Variants in MRTFA observed in about 807,000 individuals in gnomAD.
MRTFA encodes the protein myocardin related transcription factor A.
In MRTFA, 20 loss-of-function variants were observed where a neutral mutation model predicts 83.5. The ratio of observed to expected loss-of-function variants is 0.24; its 90% CI spans 0.17 to 0.35. The LOEUF is 0.35. Among genes scored for constraint, MRTFA ranks in the 10% least tolerant of loss-of-function variants. MRTFA has a pLI of 1.00. For missense variants in MRTFA, 1,200 were observed against 1,224.7 expected (o/e 0.98, Z 0.30); for synonymous variants, 659 against 541.2 (o/e 1.22, Z -3.02).
intron 4 of MRTFA, among the ~76,000 whole-genome samples, chr22:40,452,833 C>T (rs1044113897): frequency 1.3e-5 from 2 of 150,234 alleles, no homozygotes; most frequent in Non-Finnish European, 3.0e-5. Context: ...AAAATGATGA[C>T]GACTACTTTT....
intron 2 of MRTFA, among the ~76,000 whole-genome samples, chr22:40,565,251 G>A (rs1335603471): frequency 6.6e-6 from 1 of 152,056 alleles, no homozygotes; most frequent in African/African-American, 2.4e-5. Context: ...AACTCATGAA[G>A]ACCTCCTGGG....
intron 3 of MRTFA, among the ~76,000 whole-genome samples, chr22:40,484,053 AG>A (rs1482506682): frequency 1.3e-5 from 2 of 151,998 alleles, no homozygotes; most frequent in African/African-American, 4.8e-5. Flanking sequence ...GGGAATAGAA[AG>A]GTGATTAAAA....
chr22:40,419,715 G>C (rs1411133953), intron 11 of MRTFA, among the ~76,000 whole-genome samples: 2 of 152,214 alleles, frequency 1.3e-5, no homozygotes, highest in Non-Finnish European at 2.9e-5. Context: ...ACTGTATTTT[G>C]CAAAGAGAAA....
chr22:40,435,417 T>A, intron 5 of MRTFA, 82 bp downstream of exon 5: 1 of 1,450,936 alleles, frequency 6.9e-7, no homozygotes, highest in Non-Finnish European at 9.7e-7. Flanking sequence ...TATGGAAAGC[T>A]CTAAATGGAA....
chr22:40,529,977 C>A (rs1324381679), intron 3 of MRTFA, among the ~76,000 whole-genome samples: 1 of 152,066 alleles, frequency 6.6e-6, no homozygotes, highest in Non-Finnish European at 1.5e-5. Flanking sequence ...ATGCACAAGA[C>A]AGAGAGAGAA....
At chr22:40,554,539 T>C (rs1374058098) in intron 2 of MRTFA, among the ~76,000 whole-genome samples, 1 of 152,222 alleles carries the variant, frequency 6.6e-6, no homozygotes, top group Non-Finnish European at 1.5e-5. Context: ...ATGTGTTTGC[T>C]TTCCCTGCCA....
At chr22:40,435,703 C>G (rs999077442) in intron 4 of MRTFA, 149 bp from the exon 5 acceptor site, 35 of 760,514 alleles carry the variant, frequency 4.6e-5, no homozygotes, top group Non-Finnish European at 6.6e-5. Context: ...GAGGCTGAGG[C>G]AGGCAGATCA....
At chr22:40,547,407 AG>A (rs2055381355) in intron 3 of MRTFA, among the ~76,000 whole-genome samples, 1 of 152,126 alleles carries the variant, frequency 6.6e-6, no homozygotes, top group Admixed American at 6.6e-5. Flanking sequence ...GAAGACAAGC[AG>A]GGAAGGCCTC....
intron 3 of MRTFA, among the ~76,000 whole-genome samples, chr22:40,500,855 C>G (rs559217677): frequency 6.6e-6 from 1 of 151,672 alleles, no homozygotes; most frequent in East Asian, 2.0e-4. Flanking sequence ...TCCAGCCTTT[C>G]TATTCCACAA....
intron 3 of MRTFA, among the ~76,000 whole-genome samples, chr22:40,550,435 G>A (rs1172432809): frequency 6.6e-6 from 1 of 152,134 alleles, no homozygotes; most frequent in Non-Finnish European, 1.5e-5. Flanking sequence ...GATGGACAGA[G>A]AGACCAGTCA....
chr22:40,634,155 A>C (rs1332238515), intron 1 of MRTFA, among the ~76,000 whole-genome samples: 1 of 151,728 alleles, frequency 6.6e-6, no homozygotes, highest in Non-Finnish European at 1.5e-5. Context: ...CAGTGTGAAC[A>C]TAGCTTACTG....
At chr22:40,461,968 C>A (rs2053722474) in intron 4 of MRTFA, among the ~76,000 whole-genome samples, 1 of 152,226 alleles carries the variant, frequency 6.6e-6, no homozygotes, top group African/African-American at 2.4e-5. Context: ...AACTTCTGGC[C>A]TGCACCAGGC....
intron 1 of MRTFA, among the ~76,000 whole-genome samples, chr22:40,609,929 G>A (rs940079243): frequency 6.6e-6 from 1 of 152,052 alleles, no homozygotes; most frequent in Non-Finnish European, 1.5e-5. Flanking sequence ...ATTCTAGCTT[G>A]AGCGTAAGTA....
chr22:40,497,754 A>C (rs996041068), intron 3 of MRTFA, among the ~76,000 whole-genome samples: 1 of 152,164 alleles, frequency 6.6e-6, no homozygotes, highest in Admixed American at 6.5e-5. Context: ...CTCAAAAAAA[A>C]AAAGGAAATC....
At chr22:40,528,511 G>A (rs2055017916) in intron 3 of MRTFA, among the ~76,000 whole-genome samples, 1 of 152,020 alleles carries the variant, frequency 6.6e-6, no homozygotes, top group South Asian at 2.1e-4. Flanking sequence ...GCAGAGGCGG[G>A]CGGATCACCT....
intron 3 of MRTFA, among the ~76,000 whole-genome samples, chr22:40,508,673 T>C (rs1302638148): frequency 2.6e-5 from 4 of 151,806 alleles, no homozygotes; most frequent in African/African-American, 9.7e-5. Flanking sequence ...AGTAATATGT[T>C]CTTTCCATTG....
At chr22:40,505,938 T>C (rs987188524) in intron 3 of MRTFA, among the ~76,000 whole-genome samples, 1 of 152,198 alleles carries the variant, frequency 6.6e-6, no homozygotes, top group African/African-American at 2.4e-5. Flanking sequence ...TAGATTATAT[T>C]ATTAAAGTGC....
intron 3 of MRTFA, among the ~76,000 whole-genome samples, chr22:40,535,041 A>T (rs2055144230): frequency 6.6e-6 from 1 of 152,160 alleles, no homozygotes; most frequent in Admixed American, 6.5e-5. Flanking sequence ...CTCCAAGAAC[A>T]TCATGTTTAA....
At chr22:40,489,160 T>C (rs2054225109) in intron 3 of MRTFA, among the ~76,000 whole-genome samples, 1 of 152,158 alleles carries the variant, frequency 6.6e-6, no homozygotes, top group South Asian at 2.1e-4. Flanking sequence ...TCATTTTCAC[T>C]GGGTATCTTT....
Sources: allele counts gnomAD v4.1 joint callset (sites outside exome capture counted in the v4.1 genomes callset), GRCh38; gene constraint gnomAD v4.1.1; transcripts MANE v1.5; gene names NCBI Gene and HGNC (gene_info 2026-07-23, HGNC 2026-07-21).